Variants in RTN1 observed in about 807,000 individuals in gnomAD.
RTN1 encodes the protein reticulon 1, also known as reticulon-1.
In RTN1, 25 loss-of-function variants were observed where a neutral mutation model predicts 65.5. The ratio of observed to expected loss-of-function variants is 0.38; its 90% CI spans 0.28 to 0.53. The LOEUF is 0.53. Among genes scored for constraint, RTN1 ranks in the 20% least tolerant of loss-of-function variants. The pLI, the probability that RTN1 is intolerant of heterozygous loss-of-function variation, is 0.79. For missense variants in RTN1, 983 were observed against 1,025.4 expected (o/e 0.96, Z 0.57); for synonymous variants, 471 against 447.6 (o/e 1.05, Z -0.66).
intron 1 of RTN1, among the ~76,000 whole-genome samples, chr14:59,773,902 A>G (rs1051717652): frequency 3.9e-5 from 6 of 152,182 alleles, no homozygotes; most frequent in African/African-American, 1.4e-4. Flanking sequence ...TGACCCTTTC[A>G]GAAAGGGAAA....
chr14:59,837,706 T>C (rs1887237395), intron 1 of RTN1, among the ~76,000 whole-genome samples: 1 of 151,986 alleles, frequency 6.6e-6, no homozygotes, highest in African/African-American at 2.4e-5. Context: ...TAATATGTTT[T>C]TGACCATCAA....
chr14:59,804,337 A>T (rs1886598850), intron 1 of RTN1, among the ~76,000 whole-genome samples: 1 of 152,148 alleles, frequency 6.6e-6, no homozygotes, highest in African/African-American at 2.4e-5. Context: ...GGCCAGTGCC[A>T]TTCTCACCAT....
At chr14:59,639,910 A>G (rs1882741301) in intron 3 of RTN1, among the ~76,000 whole-genome samples, 1 of 152,228 alleles carries the variant, frequency 6.6e-6, no homozygotes, top group Non-Finnish European at 1.5e-5. Flanking sequence ...ATATATCACT[A>G]TTCAATTTGG....
intron 3 of RTN1, among the ~76,000 whole-genome samples, chr14:59,642,647 T>C (rs1882804424): frequency 6.6e-6 from 1 of 152,228 alleles, no homozygotes; most frequent in Non-Finnish European, 1.5e-5. Context: ...CTTTCAGTTC[T>C]AGTAATTTTA....
At chr14:59,655,164 T>C (rs548518001) in intron 3 of RTN1, among the ~76,000 whole-genome samples, 1 of 152,226 alleles carries the variant, frequency 6.6e-6, no homozygotes, top group Non-Finnish European at 1.5e-5. Flanking sequence ...ACACTAGCAG[T>C]GAACAATAAA....
chr14:59,771,185 T>C (rs74058802), intron 1 of RTN1, among the ~76,000 whole-genome samples: 36 of 152,340 alleles, frequency 2.4e-4, no homozygotes, highest in African/African-American at 7.7e-4. Flanking sequence ...CCCATTTATA[T>C]TTTCACTCCC....
intron 2 of RTN1, among the ~76,000 whole-genome samples, chr14:59,743,900 G>GC (rs953722611): frequency 2.6e-5 from 4 of 152,108 alleles, no homozygotes; most frequent in African/African-American, 9.7e-5. Flanking sequence ...GTTTTTGTTT[G>GC]TTTTTTATTT....
Position 59,759,574 on chromosome 14 carries a change from C to T in RTN1, c.242-13093G>A, listed in dbSNP as rs981859062. 2.6e-5 allele frequency among the ~76,000 whole-genome samples: 4 copies of T among 152,022 alleles called. No homozygotes were observed. In the East Asian group the frequency reaches 5.8e-4, roughly 22 times the overall value. On this transcript the variant is annotated intron_variant, in intron 1 of 8. Coordinates refer to ENST00000267484, the MANE Select transcript of RTN1 (RefSeq NM_021136.3). The stretch of plus-strand genomic sequence containing the variant: ...CACTGTTGCTTCCAGGCTTTAGTCC[C>T]GGTTTCGTCTTCATCTATTAGTGAA...
intron 3 of RTN1, among the ~76,000 whole-genome samples, chr14:59,680,972 A>T (rs1023874122): frequency 3.9e-5 from 6 of 152,154 alleles, no homozygotes; most frequent in Non-Finnish European, 7.4e-5. Flanking sequence ...AAAAATATGT[A>T]CAGACATAAT....
chr14:59,693,631 A>T (rs938801736), intron 3 of RTN1, among the ~76,000 whole-genome samples: 1 of 152,144 alleles, frequency 6.6e-6, no homozygotes, highest in African/African-American at 2.4e-5. Flanking sequence ...TTCCCAAGTT[A>T]CTTCACTTAG....
At chr14:59,763,421 G>A (rs1885786727) in intron 1 of RTN1, among the ~76,000 whole-genome samples, 1 of 151,726 alleles carries the variant, frequency 6.6e-6, no homozygotes, top group Admixed American at 6.6e-5. Context: ...ACTACATCAA[G>A]ATTTATTTTC....
chr14:59,767,613 C>CA (rs1349280823), intron 1 of RTN1, among the ~76,000 whole-genome samples: 1 of 152,040 alleles, frequency 6.6e-6, no homozygotes, highest in African/African-American at 2.4e-5. Context: ...AAGTAGACAG[C>CA]AGAAAGAATA....
intron 2 of RTN1, 114 bp downstream of exon 2, chr14:59,745,591 AGGG>A: frequency 1.4e-5 from 11 of 790,614 alleles, no homozygotes; most frequent in Non-Finnish European, 2.1e-5. Context: ...ATGAAATTTA[AGGG>A]GTCCAGATAG....
At chr14:59,640,388 C>T (rs1882751644) in intron 3 of RTN1, among the ~76,000 whole-genome samples, 1 of 152,138 alleles carries the variant, frequency 6.6e-6, no homozygotes. Context: ...GTGATCTCAG[C>T]TCACTGAAGC....
chr14:59,723,321 C>A (rs990335846), intron 3 of RTN1, among the ~76,000 whole-genome samples: 1 of 151,934 alleles, frequency 6.6e-6, no homozygotes, highest in Non-Finnish European at 1.5e-5. Context: ...AACCCTGCTA[C>A]CCTGGCCGAG....
chr14:59,613,376 G>A (rs1306051645), intron 3 of RTN1, among the ~76,000 whole-genome samples: 1 of 152,164 alleles, frequency 6.6e-6, no homozygotes, highest in African/African-American at 2.4e-5. Flanking sequence ...TCAGCTCATT[G>A]CAACCTCTGT....
At chr14:59,635,219 A>G (rs1882638170) in intron 3 of RTN1, among the ~76,000 whole-genome samples, 1 of 152,236 alleles carries the variant, frequency 6.6e-6, no homozygotes. Context: ...GCAGTCTTTA[A>G]TAGAACCAGA....
chr14:59,831,972 C>T (rs985352196), intron 1 of RTN1, among the ~76,000 whole-genome samples: 17 of 151,978 alleles, frequency 1.1e-4, no homozygotes, highest in Non-Finnish European at 2.4e-4. Context: ...CAATGGGCTT[C>T]GGAGAGTCAC....
rs1379058887 is a variant in RTN1 at position 59,870,092 on chromosome 14, G to C, written c.241+298C>G. Among the ~76,000 whole-genome samples the C allele has an allele frequency of 6.6e-6, 1 of 152,172 alleles. No homozygotes were observed. The highest frequency in any genetic ancestry group is 1.5e-5 in the Non-Finnish European group (1 of 68,016). ...GAGGGAGAAACTTGTACCCAGACTCGCCAGCAGCCAGAATGCTGCTGTTTG... is the reference window on the plus strand; with the variant it reads ...GAGGGAGAAACTTGTACCCAGACTCCCCAGCAGCCAGAATGCTGCTGTTTG... On this transcript the variant is annotated intron_variant, in intron 1 of 8. Coordinates refer to ENST00000267484, the MANE Select transcript of RTN1 (RefSeq NM_021136.3). This position sits in a 1 kb window ranked among gnomAD's most constrained non-coding sequence, Gnocchi z 5.1.
Sources: allele counts gnomAD v4.1 joint callset (sites outside exome capture counted in the v4.1 genomes callset), GRCh38; gene constraint gnomAD v4.1.1; non-coding constraint Gnocchi (gnomAD v3.1); transcripts MANE v1.5; gene names NCBI Gene and HGNC (gene_info 2026-07-23, HGNC 2026-07-21).